Variants in EIF3H observed in about 807,000 individuals in gnomAD.
EIF3H encodes the protein eukaryotic translation initiation factor 3 subunit H, also known as eIF-3-gamma.
Under a neutral mutation model 44.2 loss-of-function variants are expected in EIF3H, and 26 were observed. That is an observed-to-expected ratio of 0.59 (90% CI 0.43 to 0.82). The LOEUF is 0.82. Ranked by LOEUF, EIF3H falls within the 40% of genes least tolerant of loss-of-function variation. The pLI, the probability that EIF3H is intolerant of heterozygous loss-of-function variation, is 0.00. For missense variants in EIF3H, 359 were observed against 432.8 expected (o/e 0.83, Z 1.51); for synonymous variants, 166 against 151.9 (o/e 1.09, Z -0.68).
chr8:116,749,989 C>T (rs1398125683), intron 1 of EIF3H, among the ~76,000 whole-genome samples: 2 of 152,288 alleles, frequency 1.3e-5, no homozygotes, highest in Non-Finnish European at 2.9e-5. Context: ...TGTGTTAAAA[C>T]ATCAGGCTAA....
intron 2 of EIF3H, among the ~76,000 whole-genome samples, chr8:116,720,087 GACCTTCA>G (rs113121035): frequency 0.11 from 17,472 of 152,042 alleles, 1,251 homozygotes; most frequent in East Asian, 0.4. Flanking sequence ...AGACTGAAAA[GACCTTCA>G]ACTGTGCAGA....
intron 1 of EIF3H, among the ~76,000 whole-genome samples, chr8:116,763,515 C>T (rs1224833761): frequency 1.3e-5 from 2 of 151,988 alleles, no homozygotes; most frequent in Non-Finnish European, 2.9e-5. Context: ...CATATCTGAC[C>T]TTTGTAACAC....
intron 1 of EIF3H, chr8:116,734,427 T>A: frequency 2.2e-6 from 1 of 454,924 alleles, no homozygotes; most frequent in Non-Finnish European, 4.4e-6. Flanking sequence ...TTACATTTCA[T>A]AAATCACACA....
chr8:116,758,316 A>C (rs1815481539), upstream of EIF3H, among the ~76,000 whole-genome samples: 1 of 152,226 alleles, frequency 6.6e-6, no homozygotes. Flanking sequence ...ACACATGAGA[A>C]TTCTCAATGT....
intron 2 of EIF3H, among the ~76,000 whole-genome samples, chr8:116,664,372 T>C (rs1813633345): frequency 6.6e-6 from 1 of 152,236 alleles, no homozygotes; most frequent in Admixed American, 6.5e-5. Context: ...TTAAATGTTA[T>C]ATATATCTGA....
At chr8:116,750,744 G>A (rs1815323168) in intron 1 of EIF3H, among the ~76,000 whole-genome samples, 1 of 151,772 alleles carries the variant, frequency 6.6e-6, no homozygotes, top group South Asian at 2.1e-4. Flanking sequence ...AAACTAAGTA[G>A]TCTGAGGGGC....
At chr8:116,696,986 T>A (rs192666306) in intron 2 of EIF3H, 1 of 413,706 alleles carries the variant, frequency 2.4e-6, no homozygotes, top group Non-Finnish European at 4.9e-6. Flanking sequence ...ACCCTCTCCA[T>A]ATTACATGTT....
upstream of EIF3H, among the ~76,000 whole-genome samples, chr8:116,760,785 A>G (rs1191982140): frequency 6.6e-6 from 1 of 152,218 alleles, no homozygotes; most frequent in Admixed American, 6.5e-5. Context: ...TTCTGCCCTG[A>G]GTCCTCCTGC....
chr8:116,685,535 A>AG (rs1346255713), intron 2 of EIF3H, among the ~76,000 whole-genome samples: 6 of 152,176 alleles, frequency 3.9e-5, no homozygotes, highest in Non-Finnish European at 5.9e-5. Context: ...ATACTAACCT[A>AG]GGCATTCATC....
intron 3 of EIF3H, 158 bp downstream of exon 3, chr8:116,658,655 C>T: frequency 1.6e-6 from 1 of 610,862 alleles, no homozygotes; most frequent in Non-Finnish European, 2.7e-6. Flanking sequence ...AAGAAGGAAA[C>T]CCTGTCTAGA....
At chr8:116,703,676 G>A (rs1387830234) in intron 2 of EIF3H, among the ~76,000 whole-genome samples, 1 of 152,204 alleles carries the variant, frequency 6.6e-6, no homozygotes, top group East Asian at 1.9e-4. Context: ...CACATGGCTT[G>A]TGTGACCTTA....
intron 2 of EIF3H, among the ~76,000 whole-genome samples, chr8:116,687,477 T>A (rs1383051450): frequency 6.6e-6 from 1 of 152,006 alleles, no homozygotes; most frequent in African/African-American, 2.4e-5. Context: ...ATCAACAGTG[T>A]AATCTCCAAA....
intron 2 of EIF3H, among the ~76,000 whole-genome samples, chr8:116,699,134 C>CA (rs11358166): frequency 5.6e-4 from 79 of 142,054 alleles, no homozygotes; most frequent in East Asian, 6.8e-4. Context: ...GAACCTGTCT[C>CA]AAAAAAAAAA....
intron 2 of EIF3H, among the ~76,000 whole-genome samples, chr8:116,700,142 A>C (rs2130878466): frequency 6.6e-6 from 1 of 152,330 alleles, no homozygotes; most frequent in Admixed American, 6.5e-5. Flanking sequence ...TGGAAACAAT[A>C]AAATAGAAGA....
intron 2 of EIF3H, among the ~76,000 whole-genome samples, chr8:116,719,839 T>A (rs1814714792): frequency 6.6e-6 from 1 of 152,172 alleles, no homozygotes; most frequent in Admixed American, 6.6e-5. Context: ...AAAAACTTAT[T>A]TACTTGTTTT....
chr8:116,732,116 G>A (rs553158609), intron 1 of EIF3H, among the ~76,000 whole-genome samples: 1 of 152,078 alleles, frequency 6.6e-6, no homozygotes, highest in East Asian at 1.9e-4. Context: ...GCAGGGAACA[G>A]TTTTCTACTA....
chr8:116,691,535 C>G (rs1814174159), intron 2 of EIF3H, among the ~76,000 whole-genome samples: 1 of 151,012 alleles, frequency 6.6e-6, no homozygotes, highest in African/African-American at 2.4e-5. Context: ...ATACCACCAA[C>G]AGGAAGCTCT....
In EIF3H at chr8:116,656,004, A is replaced by G. The variant is rs765092349; in HGVS notation, c.559T>C (p.Leu187=). The part of the protein sequence containing the change: ...CKEKDFSPEA[L]KKANITFEYM... ...TCAAAGGTGATATTTGCTTTTTTCA[A>G]TCTGTGAAGCATGTTAAAAATACTT... The change falls in exon 5 of 8, where the codon TTG becomes CTG. Residue 187 remains leucine, a splice_region_variant and synonymous_variant. Coordinates refer to ENST00000521861, the MANE Select transcript of EIF3H (RefSeq NM_003756.3). 2 of 1,613,054 alleles carry G rather than the reference A, an allele frequency of 1.2e-6. No homozygotes were observed. Among genetic ancestry groups the G allele is most frequent in the Admixed American group, 3.3e-5 (2 of 59,884 alleles).
At chr8:116,684,984 C>CT (rs1239324490) in intron 2 of EIF3H, among the ~76,000 whole-genome samples, 1 of 152,122 alleles carries the variant, frequency 6.6e-6, no homozygotes, top group East Asian at 1.9e-4. Context: ...AGGGATACTT[C>CT]TTAAAAGGTA....
Sources: gnomAD v4.1 joint callset for allele counts (sites outside exome capture counted in the v4.1 genomes callset) on GRCh38, gnomAD v4.1.1 for gene constraint, MANE v1.5 for transcripts, NCBI Gene and HGNC (gene_info 2026-07-23, HGNC 2026-07-21) for gene names.